Variants in BTRC observed in about 807,000 individuals in gnomAD.
BTRC encodes the protein beta-transducin repeat containing E3 ubiquitin protein ligase.
Under a neutral mutation model 85.5 loss-of-function variants are expected in BTRC, and 42 were observed. The observed-to-expected ratio is 0.49, with a 90% CI of 0.38 to 0.64. The LOEUF (loss-of-function observed/expected upper bound fraction) is 0.64, where lower values mean the gene tolerates loss of function less well. Among genes scored for constraint, BTRC ranks in the 30% least tolerant of loss-of-function variants. The pLI, the probability that BTRC is intolerant of heterozygous loss-of-function variation, is 0.00. For synonymous variants in BTRC, 255 were observed against 263.3 expected, an observed-to-expected ratio of 0.97 and a Z score of 0.30; for missense variants, 594 against 743.5, an observed-to-expected ratio of 0.80 and a Z score of 2.34.
intron 4 of BTRC, among the ~76,000 whole-genome samples, chr10:101,498,507 T>TCA (rs1564808638): frequency 6.6e-6 from 1 of 152,124 alleles, no homozygotes; most frequent in Non-Finnish European, 1.5e-5. Context: ...TTTCTTTTCT[T>TCA]CACAATTCTA....
At chr10:101,407,142 G>C (rs1943648969) in intron 1 of BTRC, among the ~76,000 whole-genome samples, 1 of 152,114 alleles carries the variant, frequency 6.6e-6, no homozygotes, top group Non-Finnish European at 1.5e-5. Flanking sequence ...AGGATCAGTT[G>C]AGGCCAGGAG....
chr10:101,435,258 CTT>C (rs1459227279), intron 2 of BTRC, among the ~76,000 whole-genome samples: 2 of 152,062 alleles, frequency 1.3e-5, no homozygotes, highest in Non-Finnish European at 2.9e-5. Context: ...TAAGTGTACT[CTT>C]AGGTGAGTTT....
At chr10:101,429,340 G>A (rs191451691) in intron 1 of BTRC, among the ~76,000 whole-genome samples, 1,911 of 152,158 alleles carry the variant, frequency 0.013, 20 homozygotes, top group South Asian at 0.032. Context: ...ACTAATGTCA[G>A]TTACTTAGAG....
intron 2 of BTRC, among the ~76,000 whole-genome samples, chr10:101,432,487 A>G (rs867790795): frequency 6.6e-6 from 1 of 152,066 alleles, no homozygotes; most frequent in Non-Finnish European, 1.5e-5. Flanking sequence ...AAGAATCCAT[A>G]GTCTAGTTTG....
At chr10:101,410,863 T>C (rs1349359022) in intron 1 of BTRC, among the ~76,000 whole-genome samples, 1 of 152,226 alleles carries the variant, frequency 6.6e-6, no homozygotes, top group African/African-American at 2.4e-5. Context: ...TCCTTTGTGT[T>C]ATTATTGTCA....
intron 1 of BTRC, among the ~76,000 whole-genome samples, chr10:101,429,690 A>C: frequency 3.2e-5 from 4 of 125,856 alleles, no homozygotes; most frequent in Admixed American, 8.4e-5. Context: ...CTCGCCTTAT[A>C]CCCCCCACCC....
intron 4 of BTRC, 91 bp downstream of exon 4, chr10:101,479,548 T>C: frequency 9.6e-7 from 1 of 1,037,562 alleles, no homozygotes; most frequent in Non-Finnish European, 1.4e-6. Context: ...TTAAGGATTA[T>C]TACAGGATTA....
At chr10:101,521,034 A>C (rs1239531206) in intron 4 of BTRC, among the ~76,000 whole-genome samples, 1 of 152,100 alleles carries the variant, frequency 6.6e-6, no homozygotes, top group African/African-American at 2.4e-5. Context: ...TTGGAAAGCC[A>C]AGGCAGGAAA....
chr10:101,443,495 A>G (rs562638678), intron 2 of BTRC, among the ~76,000 whole-genome samples: 2 of 152,346 alleles, frequency 1.3e-5, no homozygotes, highest in South Asian at 2.1e-4. Context: ...GTATGTGTGC[A>G]TACAAAACCA....
chr10:101,440,224 C>CT (rs1288865350), intron 2 of BTRC, among the ~76,000 whole-genome samples: 2 of 151,480 alleles, frequency 1.3e-5, no homozygotes, highest in East Asian at 1.9e-4. Flanking sequence ...TAAATTACAT[C>CT]TTTTTTTTCA....
At chr10:101,393,363 A>G (rs1451222353) in intron 1 of BTRC, among the ~76,000 whole-genome samples, 2 of 152,128 alleles carry the variant, frequency 1.3e-5, no homozygotes, top group Non-Finnish European at 2.9e-5. Context: ...GATCATGGTA[A>G]CCCCAACTTG....
chr10:101,472,649 T>G (rs970163045), intron 3 of BTRC, among the ~76,000 whole-genome samples: 1 of 152,166 alleles, frequency 6.6e-6, no homozygotes, highest in Non-Finnish European at 1.5e-5. Context: ...ACCCTGTCTC[T>G]ACTAAAAATA....
At chr10:101,546,155 A>T (rs773486824) in intron 13 of BTRC, among the ~76,000 whole-genome samples, 9 of 152,238 alleles carry the variant, frequency 5.9e-5, no homozygotes, top group African/African-American at 9.6e-5. Context: ...TGCTTCATCC[A>T]ACAGCAGCAG....
At chr10:101,426,558 T>C (rs1473990435) in intron 1 of BTRC, among the ~76,000 whole-genome samples, 3 of 152,172 alleles carry the variant, frequency 2.0e-5, no homozygotes, top group Admixed American at 2.0e-4. Flanking sequence ...TTGTTGTTAG[T>C]AGTTTTGATG....
chr10:101,459,537 G>C lies in BTRC; in HGVS notation c.157-2444G>C, dbSNP rs1433449605. 1.3e-5 allele frequency among the ~76,000 whole-genome samples: 2 copies of C among 152,224 alleles called. 1 individual carries two copies. Among genetic ancestry groups the C allele is most frequent in the South Asian group, 4.1e-4 (2 of 4,828 alleles). ...GATTTCTCATGATGGATGGCCCAGA[G>C]TAAAAGTGTTGGGTTAATCTGTATT... On this transcript the variant is annotated intron_variant, in intron 2 of 14. Coordinates refer to ENST00000370187, the MANE Select transcript of BTRC (RefSeq NM_033637.4).
chr10:101,543,464 G>GT (rs527259189), intron 13 of BTRC, among the ~76,000 whole-genome samples: 1,455 of 130,374 alleles, frequency 0.011, 11 homozygotes, highest in African/African-American at 0.018. Context: ...GTTTTTTTTT[G>GT]TTTTTTTTTT....
intron 4 of BTRC, among the ~76,000 whole-genome samples, chr10:101,500,453 C>T (rs4244345): frequency 0.58 from 88,854 of 151,948 alleles, 26,563 homozygotes; most frequent in East Asian, 0.85. Context: ...CTAATGGAGA[C>T]CAGTTGGTGT....
chr10:101,359,635 T>G (rs1230939894), intron 1 of BTRC, among the ~76,000 whole-genome samples: 2 of 151,456 alleles, frequency 1.3e-5, no homozygotes, highest in East Asian at 3.9e-4. Context: ...AGTTTTGGTC[T>G]TGTTGCCCAG....
chr10:101,501,559 G>A (rs1228482058), intron 4 of BTRC, among the ~76,000 whole-genome samples: 3 of 152,170 alleles, frequency 2.0e-5, no homozygotes, highest in African/African-American at 7.2e-5. Context: ...GAGCATCAAA[G>A]TTCAGTATGT....
Sources: gnomAD v4.1 joint callset for allele counts (sites outside exome capture counted in the v4.1 genomes callset) on GRCh38, gnomAD v4.1.1 for gene constraint, MANE v1.5 for transcripts, NCBI Gene and HGNC (gene_info 2026-07-23, HGNC 2026-07-21) for gene names.